Variants in FAM117B observed in about 807,000 individuals in gnomAD.
The protein encoded by FAM117B is family with sequence similarity 117 member B.
FAM117B carries 22 observed loss-of-function variants against 52.8 expected under a neutral mutation model. That is an observed-to-expected ratio of 0.42 (90% CI 0.30 to 0.59). FAM117B has a LOEUF of 0.59. Among genes scored for constraint, FAM117B ranks in the 20% least tolerant of loss-of-function variants. FAM117B has a pLI of 0.22. For missense variants in FAM117B, 678 were observed against 802.6 expected, an observed-to-expected ratio of 0.84 and a Z score of 1.88; for synonymous variants, 309 against 324.1, an observed-to-expected ratio of 0.95 and a Z score of 0.50.
intron 4 of FAM117B, among the ~76,000 whole-genome samples, chr2:202,750,199 C>G (rs1037338569): frequency 2.0e-5 from 3 of 152,120 alleles, no homozygotes; most frequent in Non-Finnish European, 2.9e-5. Context: ...GGCTGCCTCC[C>G]CCATATGACC....
chr2:202,736,649 C>T (rs1349399742), intron 4 of FAM117B, among the ~76,000 whole-genome samples: 1 of 152,062 alleles, frequency 6.6e-6, no homozygotes, highest in Admixed American at 6.6e-5. Context: ...GTAGTCCCAG[C>T]TACACAGGAG....
At chr2:202,757,081 A>C in intron 5 of FAM117B, 132 bp from the exon 6 acceptor site, 2 of 927,670 alleles carry the variant, frequency 2.2e-6, no homozygotes, top group Non-Finnish European at 3.2e-6. Flanking sequence ...TGCAACATGA[A>C]ATCCTAATAA....
intron 2 of FAM117B, among the ~76,000 whole-genome samples, chr2:202,718,531 G>A (rs7571219): frequency 0.54 from 82,756 of 151,910 alleles, 23,265 homozygotes; most frequent in African/African-American, 0.63. Flanking sequence ...TGAATCGTCT[G>A]TGCATCCTAG....
chr2:202,642,796 A>G (rs892529794), intron 1 of FAM117B, among the ~76,000 whole-genome samples: 2 of 152,208 alleles, frequency 1.3e-5, no homozygotes, highest in Admixed American at 1.3e-4. Context: ...ATGACTAATC[A>G]CTAGGGTGGA....
intron 1 of FAM117B, among the ~76,000 whole-genome samples, chr2:202,682,228 C>T (rs909457398): frequency 2.0e-5 from 3 of 152,194 alleles, no homozygotes; most frequent in African/African-American, 7.2e-5. Context: ...GGCAAGAATT[C>T]AGATGCCACG....
chr2:202,725,534 G>T (rs59659819), intron 3 of FAM117B, among the ~76,000 whole-genome samples: 1 of 152,184 alleles, frequency 6.6e-6, no homozygotes, highest in East Asian at 1.9e-4. Flanking sequence ...GTCCAGGCTG[G>T]TCTCTAACTC....
intron 1 of FAM117B, among the ~76,000 whole-genome samples, chr2:202,694,047 AATT>A (rs1690672120): frequency 1.3e-5 from 2 of 152,288 alleles, no homozygotes; most frequent in South Asian, 4.1e-4. Context: ...GGGTAGTTAG[AATT>A]ATTCTCACAG....
chr2:202,695,207 G>A (rs1036034847), intron 1 of FAM117B, among the ~76,000 whole-genome samples: 1 of 151,940 alleles, frequency 6.6e-6, no homozygotes, highest in African/African-American at 2.4e-5. Context: ...AAGTTATTGC[G>A]TGTATGAGTA....
intron 1 of FAM117B, among the ~76,000 whole-genome samples, chr2:202,645,626 C>T (rs978467798): frequency 6.8e-6 from 1 of 147,252 alleles, no homozygotes; most frequent in African/African-American, 2.5e-5. Context: ...TTATTTGAGA[C>T]GGAGTCTCGC....
chr2:202,635,843 GGC>G, intron 1 of FAM117B, 55 bp downstream of exon 1: 1 of 1,352,664 alleles, frequency 7.4e-7, no homozygotes, highest in Non-Finnish European at 9.5e-7. Flanking sequence ...AGGGGTCCCG[GGC>G]GCGCGCTGCA....
At chr2:202,758,917 C>T (rs1045448895) in intron 6 of FAM117B, among the ~76,000 whole-genome samples, 1 of 152,170 alleles carries the variant, frequency 6.6e-6, no homozygotes, top group African/African-American at 2.4e-5. Flanking sequence ...AGAACCATTT[C>T]AGATATTTGT....
At chr2:202,723,556 A>G (rs1321292269) in intron 2 of FAM117B, among the ~76,000 whole-genome samples, 1 of 152,206 alleles carries the variant, frequency 6.6e-6, no homozygotes, top group Non-Finnish European at 1.5e-5. Flanking sequence ...ACTTAACAGT[A>G]TATCATGGAG....
intron 1 of FAM117B, among the ~76,000 whole-genome samples, chr2:202,667,999 G>C (rs1311174825): frequency 2.0e-5 from 3 of 150,666 alleles, no homozygotes; most frequent in Non-Finnish European, 4.4e-5. Context: ...CAGATGGGAA[G>C]ATTGCTTGAG....
At chr2:202,688,619 A>G (rs1389057799) in intron 1 of FAM117B, among the ~76,000 whole-genome samples, 1 of 152,182 alleles carries the variant, frequency 6.6e-6, no homozygotes, top group African/African-American at 2.4e-5. Flanking sequence ...TATTGTTAAT[A>G]TATAAAAGAA....
chr2:202,740,303 T>C (rs1691512622), intron 4 of FAM117B, among the ~76,000 whole-genome samples: 1 of 135,534 alleles, frequency 7.4e-6, no homozygotes, highest in African/African-American at 2.9e-5. Flanking sequence ...GAGGTTGCAG[T>C]GAACCAAGAT....
chr2:202,661,518 T>C (rs1444398463), intron 1 of FAM117B, among the ~76,000 whole-genome samples: 1 of 152,202 alleles, frequency 6.6e-6, no homozygotes, highest in African/African-American at 2.4e-5. Flanking sequence ...AGGTTAATTA[T>C]TTGTGGTCAG....
chr2:202,635,693 C>T lies in FAM117B; in HGVS notation c.506C>T (p.Pro169Leu). Residue 169 changes from proline to leucine, a missense_variant, in exon 1 of 8, where the codon CCA becomes CTA. By Grantham distance (98) the Pro-to-Leu change is moderately conservative. Around this residue, in one of 3 missense-constraint regions of FAM117B, gnomAD observed 583 missense variants for 644.8 expected, o/e 0.90. Coordinates refer to ENST00000392238, the MANE Select transcript of FAM117B (RefSeq NM_173511.4). ...TGGACCGGCGAGGTGAGCGCGGCCCCACCCCCAGCCCGCGTCCGGCATCGG... is the reference window on the plus strand; with the variant it reads ...TGGACCGGCGAGGTGAGCGCGGCCCTACCCCCAGCCCGCGTCCGGCATCGG... The part of the protein sequence containing the change: ...HLWTGEVSAA[P>L]PPARVRHRRR... 1 of 1,419,280 alleles carries T rather than the reference C, an allele frequency of 7.0e-7. No individual in the cohort carries two copies. The highest frequency in any genetic ancestry group is 9.2e-7 in the Non-Finnish European group (1 of 1,087,438). The allele number at this position is 1,419,280 out of a possible 1,614,324, so 87.9% of individuals were successfully genotyped here.
At chr2:202,688,125 G>C (rs774861112) in intron 1 of FAM117B, among the ~76,000 whole-genome samples, 1 of 151,954 alleles carries the variant, frequency 6.6e-6, no homozygotes, top group African/African-American at 2.4e-5. Flanking sequence ...CAGTTTTCCT[G>C]TTCTTCAATT....
intron 2 of FAM117B, among the ~76,000 whole-genome samples, chr2:202,696,399 C>CT (rs1486173413): frequency 6.6e-6 from 1 of 152,202 alleles, no homozygotes; most frequent in African/African-American, 2.4e-5. Context: ...ATAAAATACA[C>CT]TAACACTAAT....
Sources: gnomAD v4.1 joint callset for allele counts (sites outside exome capture counted in the v4.1 genomes callset) on GRCh38, gnomAD v4.1.1 for gene constraint, gnomAD v4.1.1 regional missense constraint, MANE v1.5 for transcripts, NCBI Gene and HGNC (gene_info 2026-07-23, HGNC 2026-07-21) for gene names.